LHX4: variants seen among roughly 807,000 people sequenced by gnomAD.
LHX4 encodes the protein LIM/homeobox protein Lhx4.
A neutral mutation model predicts 39.2 loss-of-function variants in LHX4; 16 were observed. The observed-to-expected ratio is 0.41, with a 90% CI of 0.28 to 0.62. The LOEUF is 0.62. Ranked by LOEUF, LHX4 falls within the 20% of genes least tolerant of loss-of-function variation. The pLI is 0.33. For synonymous variants in LHX4, 206 were observed against 198.1 expected (o/e 1.04, Z -0.33); for missense variants, 439 against 511.9 (o/e 0.86, Z 1.37).
chr1:180,233,583 C>T (rs1476578897), intron 1 of LHX4, among the ~76,000 whole-genome samples: 1 of 152,256 alleles, frequency 6.6e-6, no homozygotes, highest in African/African-American at 2.4e-5. Flanking sequence ...TGCTGGCCGG[C>T]CATGCCCTCT....
chr1:180,234,220 T>TATATAAAA lies in LHX4; in HGVS notation c.76+3616_76+3617insTATAAAAA, dbSNP rs1389328209. 1.7e-4 allele frequency among the ~76,000 whole-genome samples: 12 copies of TATATAAAA among 70,208 alleles called. No individual in the cohort carries two copies. The highest frequency in any genetic ancestry group is 9.1e-4 in the African/African-American group (12 of 13,248). 46.1% of individuals were successfully genotyped at this position (70,208 alleles called of 152,430 possible). ...ATATATATATATATATATATATATATAATAGATTGAGATTCTATCATATTC... is the reference window on the plus strand; with the variant it reads ...ATATATATATATATATATATATATATATATAAAAAATAGATTGAGATTCTATCATATTC... On this transcript the variant is annotated intron_variant, in intron 1 of 5. Coordinates refer to ENST00000263726, the MANE Select transcript of LHX4 (RefSeq NM_033343.4). The surrounding 1 kb of genome is among the most constrained non-coding windows in gnomAD (Gnocchi z 4.8).
At chr1:180,240,877 A>G (rs1313998823) in intron 1 of LHX4, among the ~76,000 whole-genome samples, 1 of 152,228 alleles carries the variant, frequency 6.6e-6, no homozygotes, top group East Asian at 1.9e-4. Context: ...CTCTGTCACA[A>G]TGCTTCAGGT....
intron 3 of LHX4, among the ~76,000 whole-genome samples, chr1:180,268,741 T>C (rs1413619264): frequency 6.6e-6 from 1 of 152,174 alleles, no homozygotes; most frequent in Non-Finnish European, 1.5e-5. Flanking sequence ...ACACAGTATT[T>C]CTGGCCTGTT....
intron 2 of LHX4, among the ~76,000 whole-genome samples, chr1:180,250,697 C>A (rs1293725339): frequency 6.6e-6 from 1 of 152,136 alleles, no homozygotes. Context: ...CTGCCTTGGA[C>A]CCCCCAGTGC....
intron 1 of LHX4, among the ~76,000 whole-genome samples, chr1:180,231,955 A>T (rs1664193551): frequency 6.6e-6 from 1 of 152,180 alleles, no homozygotes; most frequent in South Asian, 2.1e-4. Context: ...GCTGTATTCT[A>T]CAGTTATTCT....
In LHX4 at chr1:180,275,230, T is replaced by A. The variant is rs926853696; in HGVS notation, c.*651T>A. Reference sequence around the variant, plus strand: ...CCTGTTTTGGTTTTTAAGTGTCCCATCTATATCATTGACTCTGATGGCAAG... The same window carrying A: ...CCTGTTTTGGTTTTTAAGTGTCCCAACTATATCATTGACTCTGATGGCAAG... On this transcript the variant is annotated 3_prime_UTR_variant, in exon 6 of 6. Coordinates refer to ENST00000263726, the MANE Select transcript of LHX4 (RefSeq NM_033343.4). 1 of 152,218 alleles carries A rather than the reference T, an allele frequency of 6.6e-6. No individual in the cohort carries two copies. The highest frequency in any genetic ancestry group is 1.5e-5 in the Non-Finnish European group (1 of 68,058). The allele number at this position is 152,218 out of a possible 1,614,324, so 9.4% of individuals were successfully genotyped here.
chr1:180,248,418 C>T lies in LHX4; in HGVS notation c.210C>T (p.Ser70=), dbSNP rs2149256481. The change falls in exon 2 of 6, where the codon TCC becomes TCT. Residue 70 remains serine, a synonymous_variant. Transcript: ENST00000263726. The part of the protein sequence containing the change: ...CQMQLADRCF[S]RAGSVYCKED... ...TGCAGCTGGCGGACAGGTGCTTCTC[C>T]AGGGCTGGGAGCGTCTACTGCAAGG... The T allele has an allele frequency of 6.2e-7, 1 of 1,614,222 alleles. No homozygotes were observed. The highest frequency in any genetic ancestry group is 8.5e-7 in the Non-Finnish European group (1 of 1,180,036).
chr1:180,273,577 A>T (rs1193200719), intron 5 of LHX4: 2 of 152,500 alleles, frequency 1.3e-5, no homozygotes, highest in Non-Finnish European at 2.9e-5. Flanking sequence ...GAAATTCTTT[A>T]AGAAAAAAGA....
At chr1:180,263,132 G>C (rs531235474) in intron 2 of LHX4, among the ~76,000 whole-genome samples, 2 of 152,298 alleles carry the variant, frequency 1.3e-5, no homozygotes, top group African/African-American at 4.8e-5. Flanking sequence ...TTCCTTGGCT[G>C]GAGTCCAGCC....
intron 3 of LHX4, among the ~76,000 whole-genome samples, chr1:180,267,714 G>A (rs561958589): frequency 6.6e-6 from 1 of 152,076 alleles, no homozygotes; most frequent in Non-Finnish European, 1.5e-5. Flanking sequence ...GGCTTGATGA[G>A]AAAAAAAATT....
At chr1:180,257,113 G>A (rs1286836921) in intron 2 of LHX4, among the ~76,000 whole-genome samples, 1 of 152,210 alleles carries the variant, frequency 6.6e-6, no homozygotes, top group Non-Finnish European at 1.5e-5. Context: ...CCCCCAGCAG[G>A]GAAGGAGAGG....
chr1:180,271,509 C>T lies in LHX4; in HGVS notation c.581C>T (p.Thr194Ile), dbSNP rs1276903015. The change falls in exon 4 of 6, where the codon ACA (threonine) becomes ATA (isoleucine). Residue 194 changes from threonine to isoleucine, a missense_variant. Coordinates refer to ENST00000263726, the MANE Select transcript of LHX4 (RefSeq NM_033343.4). ...RHVREQLSSE[T>I]GLDMRVVQVW... ...GTGAGGGAGCAGCTGTCCTCAGAGA[C>T]AGGCCTGGACATGAGGGTCGTACAG... 5.6e-6 allele frequency: 9 copies of T among 1,614,170 alleles called. No homozygotes were observed. The highest frequency in any genetic ancestry group is 6.8e-6 in the Non-Finnish European group (8 of 1,180,038).
At position 180,271,917 on chromosome 1, in the gene LHX4, G is replaced by T; in HGVS notation, c.689G>T (p.Ser230Ile). Residue 230 changes from serine to isoleucine, a missense_variant, in exon 5 of 6, where the codon AGC (serine) becomes ATC (isoleucine). By Grantham distance (142) the Ser-to-Ile change is moderately radical (BLOSUM62 -2). Coordinates refer to ENST00000263726, the MANE Select transcript of LHX4 (RefSeq NM_033343.4). ...CACCGCTGGGGGCAGTTCTATAAGA[G>T]CGTCAAGAGGAGCCGGGGCAGCAGC... is the stretch of plus-strand genomic sequence containing the variant. ...GRHRWGQFYK[S>I]VKRSRGSSKQ... is the part of the protein sequence containing the mutation. 1 of 1,613,592 alleles carries T rather than the reference G, an allele frequency of 6.2e-7. No individual in the cohort carries two copies. Among genetic ancestry groups the T allele is most frequent in the Non-Finnish European group, 8.5e-7 (1 of 1,179,942 alleles).
intron 2 of LHX4, among the ~76,000 whole-genome samples, chr1:180,253,474 C>T (rs1571269603): frequency 6.6e-6 from 1 of 152,230 alleles, no homozygotes; most frequent in Non-Finnish European, 1.5e-5. Flanking sequence ...TTCACAGTGC[C>T]TGTCTAAGAG....
At chr1:180,243,240 C>T (rs76936899) in intron 1 of LHX4, among the ~76,000 whole-genome samples, 10,138 of 151,986 alleles carry the variant, frequency 0.067, 393 homozygotes, top group African/African-American at 0.08. Context: ...CTGCCTGTCT[C>T]GTCCTCCTAA....
chr1:180,270,290 A>G (rs1648566854), intron 3 of LHX4: 1 of 152,296 alleles, frequency 6.6e-6, no homozygotes, highest in South Asian at 2.1e-4. Context: ...CTTGAATGGA[A>G]AGAAAGGAGA....
intron 1 of LHX4, among the ~76,000 whole-genome samples, chr1:180,235,192 A>C (rs946837403): frequency 6.6e-6 from 1 of 152,336 alleles, no homozygotes; most frequent in Admixed American, 6.5e-5. Flanking sequence ...GCGCTGCAAT[A>C]GAGGTTCCTG....
chr1:180,247,271 G>C (rs1421372285), intron 1 of LHX4, among the ~76,000 whole-genome samples: 1 of 152,176 alleles, frequency 6.6e-6, no homozygotes, highest in Non-Finnish European at 1.5e-5. Flanking sequence ...GACAGGAACC[G>C]GATGGGGCAG....
chr1:180,248,493 T>A, intron 2 of LHX4, 37 bp downstream of exon 2: 1 of 1,609,668 alleles, frequency 6.2e-7, no homozygotes, highest in Non-Finnish European at 8.5e-7. Context: ...CCCTGGCCTG[T>A]CTCTGCCTCT....
Sources: gnomAD v4.1 joint callset for allele counts (sites outside exome capture counted in the v4.1 genomes callset) on GRCh38, gnomAD v4.1.1 for gene constraint, Gnocchi (gnomAD v3.1) non-coding constraint, MANE v1.5 for transcripts, NCBI Gene and HGNC (gene_info 2026-07-23, HGNC 2026-07-21) for gene names.